The following CDH8 variants were observed in gnomAD, a reference collection of about 807,000 sequenced individuals.
The protein encoded by CDH8 is cadherin-8.
A neutral mutation model predicts 68.1 loss-of-function variants in CDH8; 17 were observed. That is an observed-to-expected ratio of 0.25 (90% confidence interval 0.17 to 0.37). The LOEUF (loss-of-function observed/expected upper bound fraction) is 0.37, where lower values mean the gene tolerates loss of function less well. Among genes scored for constraint, CDH8 ranks in the 10% least tolerant of loss-of-function variants. CDH8 has a pLI of 1.00. For missense variants in CDH8, 763 were observed against 999.3 expected, an observed-to-expected ratio of 0.76 and a Z score of 3.19; for synonymous variants, 372 against 365.1, an observed-to-expected ratio of 1.02 and a Z score of -0.21.
chr16:61,667,525 T>C (rs758712003), intron 10 of CDH8: 5 of 151,868 alleles, frequency 3.3e-5, no homozygotes, highest in African/African-American at 4.8e-5. Flanking sequence ...GGACAGAGAG[T>C]GGGCTGTGCT....
intron 3 of CDH8, among the ~76,000 whole-genome samples, chr16:61,882,070 C>T (rs886066715): frequency 1.3e-5 from 2 of 152,166 alleles, no homozygotes; most frequent in Admixed American, 6.5e-5. Context: ...AAAGCAAATG[C>T]CGTGTCTAAT....
At chr16:61,897,885 G>T (rs969698927) in intron 3 of CDH8, among the ~76,000 whole-genome samples, 1 of 152,174 alleles carries the variant, frequency 6.6e-6, no homozygotes, top group Non-Finnish European at 1.5e-5. Context: ...AAAGATGGAG[G>T]TGTTTTTGCT....
intron 8 of CDH8, among the ~76,000 whole-genome samples, chr16:61,780,075 T>G (rs1961008312): frequency 1.3e-5 from 2 of 152,220 alleles, no homozygotes; most frequent in African/African-American, 4.8e-5. Context: ...TGGAAAATGC[T>G]TATAATAATA....
chr16:61,950,433 T>C (rs1320219770), intron 2 of CDH8, among the ~76,000 whole-genome samples: 1 of 152,152 alleles, frequency 6.6e-6, no homozygotes, highest in African/African-American at 2.4e-5. Context: ...GAATCAATGT[T>C]TAAAAAAATT....
At chr16:61,820,314 G>GTTTTTTTTTTTT (rs545670875) in intron 6 of CDH8, among the ~76,000 whole-genome samples, 2 of 90,760 alleles carry the variant, frequency 2.2e-5, no homozygotes, top group African/African-American at 4.7e-5. Flanking sequence ...TGCCTGTTTG[G>GTTTTTTTTTTTT]TTTTTTTTTT....
chr16:61,843,685 A>AAGTTTATATGTGT (rs1024306521), intron 4 of CDH8, among the ~76,000 whole-genome samples: 5 of 152,184 alleles, frequency 3.3e-5, no homozygotes, highest in Non-Finnish European at 5.9e-5. Context: ...TTTTTAAAAA[A>AAGTTTATATGTGT]AGTTTATATG....
intron 3 of CDH8, among the ~76,000 whole-genome samples, chr16:61,872,020 G>A (rs1963380054): frequency 6.6e-6 from 1 of 152,032 alleles, no homozygotes; most frequent in South Asian, 2.1e-4. Context: ...AATCCTCCAA[G>A]GAGCTGTGCT....
intron 8 of CDH8, among the ~76,000 whole-genome samples, chr16:61,736,159 A>AAG (rs1567446592): frequency 1.1e-4 from 7 of 61,716 alleles, no homozygotes; most frequent in African/African-American, 3.8e-4. Context: ...AAGGAAGGAA[A>AAG]GAAGGAAGGA....
intron 10 of CDH8, among the ~76,000 whole-genome samples, chr16:61,665,529 G>C (rs910778631): frequency 6.6e-6 from 1 of 151,862 alleles, no homozygotes; most frequent in Non-Finnish European, 1.5e-5. Context: ...GGGAGAGAGA[G>C]TGTTAGGACA....
intron 3 of CDH8, among the ~76,000 whole-genome samples, chr16:61,885,188 A>G (rs748867221): frequency 6.6e-6 from 1 of 152,182 alleles, no homozygotes; most frequent in Non-Finnish European, 1.5e-5. Context: ...AAGTCAGGAT[A>G]TCAGTTAATC....
At chr16:61,847,135 C>T (rs1306281851) in intron 4 of CDH8, among the ~76,000 whole-genome samples, 2 of 152,004 alleles carry the variant, frequency 1.3e-5, no homozygotes, top group African/African-American at 4.8e-5. Flanking sequence ...ATTTTTCTAA[C>T]CATGTTCATT....
At chr16:61,953,436 T>C (rs1339384554) in intron 2 of CDH8, among the ~76,000 whole-genome samples, 1 of 152,092 alleles carries the variant, frequency 6.6e-6, no homozygotes, top group African/African-American at 2.4e-5. Flanking sequence ...TAACTTGTCA[T>C]ATTGTTATTA....
chr16:61,655,106 A>C (rs1307807662), intron 11 of CDH8, among the ~76,000 whole-genome samples: 1 of 152,210 alleles, frequency 6.6e-6, no homozygotes, highest in African/African-American at 2.4e-5. Context: ...ACTATTGTGG[A>C]CATAGTAGAG....
At chr16:61,960,389 A>G (rs187569290) in intron 2 of CDH8, among the ~76,000 whole-genome samples, 3 of 109,824 alleles carry the variant, frequency 2.7e-5, no homozygotes, top group African/African-American at 9.3e-5. Context: ...GTGTGTGTGT[A>G]TACACATACA....
chr16:62,021,542 C>T lies in CDH8; in HGVS notation c.-139G>A, dbSNP rs1363269767. ...ACGTGTCTATAGCACGGGAAACAGA[C>T]ATCATCTAAGCAGCTTTTCTAAGAC... On this transcript the variant is annotated 5_prime_UTR_variant, in exon 2 of 12. An upstream start codon of the reference 5' UTR is lost. Coordinates refer to ENST00000577390, the MANE Select transcript of CDH8 (RefSeq NM_001796.5). 1 of 1,445,360 alleles carries T rather than the reference C, an allele frequency of 6.9e-7. No individual in the cohort carries two copies. Among genetic ancestry groups the T allele is most frequent in the Non-Finnish European group, 9.1e-7 (1 of 1,104,418 alleles). 89.5% of individuals were successfully genotyped at this position (1,445,360 alleles called of 1,614,324 possible).
chr16:61,967,866 T>C (rs1417401800), intron 2 of CDH8, among the ~76,000 whole-genome samples: 1 of 152,172 alleles, frequency 6.6e-6, no homozygotes, highest in Non-Finnish European at 1.5e-5. Flanking sequence ...TGGAGTGCAA[T>C]GGCATGATCT....
chr16:61,835,993 T>G (rs142750504), intron 4 of CDH8, among the ~76,000 whole-genome samples: 2 of 151,946 alleles, frequency 1.3e-5, no homozygotes, highest in Non-Finnish European at 2.9e-5. Flanking sequence ...AAAACAGACA[T>G]AGAAATACCC....
chr16:61,782,232 G>A lies in CDH8; in HGVS notation c.1414+7114C>T, dbSNP rs1042304950. Among the ~76,000 whole-genome samples the A allele has an allele frequency of 1.8e-4, 28 of 152,226 alleles. No individual in the cohort carries two copies. The East Asian group carries it at 5.2e-3, about 28-fold the overall frequency. On this transcript the variant is annotated intron_variant, in intron 8 of 11. Coordinates refer to ENST00000577390, the MANE Select transcript of CDH8 (RefSeq NM_001796.5). Reference sequence around the variant, plus strand: ...AGTGGGCGCAGGCCAGTGGGTGCGCGCACCGTCCGCGAGCCGAAGCAGGGC... The same window carrying A: ...AGTGGGCGCAGGCCAGTGGGTGCGCACACCGTCCGCGAGCCGAAGCAGGGC...
chr16:61,966,838 C>A (rs779241200), intron 2 of CDH8, among the ~76,000 whole-genome samples: 1 of 152,176 alleles, frequency 6.6e-6, no homozygotes, highest in African/African-American at 2.4e-5. Context: ...TGCACTAGAA[C>A]CTTTACATGC....
Sources: allele counts gnomAD v4.1 joint callset (sites outside exome capture counted in the v4.1 genomes callset), GRCh38; gene constraint gnomAD v4.1.1; transcripts MANE v1.5; gene names NCBI Gene and HGNC (gene_info 2026-07-23, HGNC 2026-07-21).